AMOTL2: variants seen among roughly 807,000 people sequenced by gnomAD.
AMOTL2 encodes angiomotin like 2, also known as angiomotin-like protein 2.
Under a neutral mutation model 78.4 loss-of-function variants are expected in AMOTL2, and 33 were observed. That is an observed-to-expected ratio of 0.42 (90% CI 0.32 to 0.56). The LOEUF (loss-of-function observed/expected upper bound fraction) is 0.56, where lower values mean the gene tolerates loss of function less well. Ranked by LOEUF, AMOTL2 falls within the 20% of genes least tolerant of loss-of-function variation. The probability of loss-of-function intolerance (pLI) is 0.12; values close to 1 mark genes in which losing one functional copy is unlikely to be tolerated. For synonymous variants in AMOTL2, 422 were observed against 428.8 expected, an observed-to-expected ratio of 0.98 and a Z score of 0.20; for missense variants, 983 against 1,030.1, an observed-to-expected ratio of 0.95 and a Z score of 0.63.
intron 6 of AMOTL2, among the ~76,000 whole-genome samples, chr3:134,361,113 G>T (rs1166268746): frequency 6.6e-6 from 1 of 152,132 alleles, no homozygotes; most frequent in Non-Finnish European, 1.5e-5. Flanking sequence ...GGTGGAAGTT[G>T]CAGTGAGCGT....
At chr3:134,366,571 T>G (rs2017614013) in intron 3 of AMOTL2, 144 bp from the exon 4 acceptor site, 1 of 798,690 alleles carries the variant, frequency 1.3e-6, no homozygotes, top group African/African-American at 1.8e-5. Context: ...TATGGTGGGA[T>G]GGTCAGAAGC....
chr3:134,360,846 C>T (rs780921839), intron 6 of AMOTL2, among the ~76,000 whole-genome samples: 1 of 152,202 alleles, frequency 6.6e-6, no homozygotes, highest in African/African-American at 2.4e-5. Flanking sequence ...ATCTGGACAA[C>T]CATCTTTCCT....
intron 2 of AMOTL2, among the ~76,000 whole-genome samples, chr3:134,368,216 A>G (rs1473751735): frequency 6.6e-6 from 1 of 152,198 alleles, no homozygotes; most frequent in African/African-American, 2.4e-5. Context: ...TTGGGGCTGG[A>G]GGCCATGTCA....
rs1244845083 is a variant in AMOTL2, at chr3:134,371,269, C to T, written c.165G>A (p.Leu55=). The T allele has an allele frequency of 6.2e-7, 1 of 1,612,838 alleles. No individual in the cohort carries two copies. Among genetic ancestry groups the T allele is most frequent in the East Asian group, 2.2e-5 (1 of 44,872 alleles). ...GACTGTCCTCTGGGGCCAGGATCTC[C>T]AGGGAGGCCTGGGGGCTCCCTGTAC... The part of the protein sequence containing the change: ...TGGTGSPQAS[L]EILAPEDSQV... Residue 55 remains leucine, a synonymous_variant, in exon 2 of 10, where the codon CTG becomes CTA. Transcript: ENST00000249883.
chr3:134,371,015 C>A lies in AMOTL2; in HGVS notation c.419G>T (p.Ser140Ile), dbSNP rs2017831945. The A allele has an allele frequency of 1.2e-6, 2 of 1,604,548 alleles. No homozygotes were observed. Among genetic ancestry groups the A allele is most frequent in the Non-Finnish European group, 1.7e-6 (2 of 1,175,618 alleles). Residue 140 changes from serine (S) to isoleucine (I), a missense_variant, in exon 2 of 10, where the codon AGT becomes ATT. Ser to Ile is a moderately radical substitution (Grantham distance 142, BLOSUM62 -2). Coordinates refer to ENST00000249883, the MANE Select transcript of AMOTL2 (RefSeq NM_016201.4). ...CCGCAGGGCCTCGTCCTGCCTCCGA[C>A]TGCCTCCCGGGGCCCCACGGGGATC... ...DRDPRGAPGG[S>I]RRQDEALREL...
In AMOTL2 at chr3:134,355,564, T is replaced by G. The variant is rs2017047896; in HGVS notation, c.*2141A>C. On this transcript the variant is annotated 3_prime_UTR_variant, in exon 10 of 10. Coordinates refer to ENST00000249883, the MANE Select transcript of AMOTL2 (RefSeq NM_016201.4). ...GAGTGGGGGAAGGATAAAGCCATCT[T>G]TGGACACCCACTCCCACTGTGGATA... Among the ~76,000 whole-genome samples the G allele has an allele frequency of 6.6e-6, 1 of 152,196 alleles. No homozygotes were observed. Among genetic ancestry groups the G allele is most frequent in the Non-Finnish European group, 1.5e-5 (1 of 68,044 alleles).
chr3:134,364,164 CA>C, intron 5 of AMOTL2, among the ~76,000 whole-genome samples: 2 of 152,086 alleles, frequency 1.3e-5, no homozygotes, highest in African/African-American at 4.8e-5. Flanking sequence ...TCCCTCCTCC[CA>C]AAGCCGGGCG....
rs1306305244 is a variant in AMOTL2 at position 134,355,873 on chromosome 3, T to A, written c.*1832A>T. Reference sequence around the variant, plus strand: ...GCAAAGTCTCACCTGTGCAAAGACATCACTTTTAATTATTTTTTTTTAATT... The same window carrying A: ...GCAAAGTCTCACCTGTGCAAAGACAACACTTTTAATTATTTTTTTTTAATT... On this transcript the variant is annotated 3_prime_UTR_variant, in exon 10 of 10. Coordinates refer to ENST00000249883, the MANE Select transcript of AMOTL2 (RefSeq NM_016201.4). 6.6e-6 allele frequency: 1 copy of A among 152,628 alleles called. No individual in the cohort carries two copies. The highest frequency in any genetic ancestry group is 1.9e-4 in the East Asian group (1 of 5,198). The allele number at this position is 152,628 out of a possible 1,614,324, so 9.5% of individuals were successfully genotyped here.
intron 1 of AMOTL2, chr3:134,374,095 C>A (rs1018884804): frequency 2.2e-6 from 1 of 449,714 alleles, no homozygotes; most frequent in Non-Finnish European, 2.9e-6. Context: ...TCTCCCCTCT[C>A]CCCCAGCCCC....
At chr3:134,373,695 C>T in intron 1 of AMOTL2, 1 of 985,442 alleles carries the variant, frequency 1.0e-6, no homozygotes, top group Non-Finnish European at 1.2e-6. Flanking sequence ...CCTGGAGCAC[C>T]GGTGGCCGCT....
Position 134,361,751 on chromosome 3 carries a change from C to G in AMOTL2, c.1336G>C (p.Gly446Arg). Residue 446 changes from glycine to arginine, a missense_variant, in exon 6 of 10, where the codon GGC (glycine) becomes CGC (arginine). Transcript: ENST00000249883. ...KLEREMALLR[G>R]AIEDQRRRAE... The stretch of plus-strand genomic sequence containing the variant: ...CGCCGCCGCTGGTCCTCGATGGCGC[C>G]GCGCAGCAGTGCCATCTCTCGCTCC... 1.3e-6 allele frequency: 2 copies of G among 1,591,666 alleles called. No individual in the cohort carries two copies. The highest frequency in any genetic ancestry group is 1.1e-5 in the South Asian group (1 of 89,056).
chr3:134,370,292 A>G (rs1369825457), intron 2 of AMOTL2, among the ~76,000 whole-genome samples: 2 of 152,222 alleles, frequency 1.3e-5, no homozygotes, highest in Non-Finnish European at 1.5e-5. Context: ...CAAGCTGCTC[A>G]TATTTTCTTA....
rs1377969557 is a variant in AMOTL2 at position 134,355,370 on chromosome 3, G to T, written c.*2335C>A. Among the ~76,000 whole-genome samples the T allele has an allele frequency of 3.3e-5, 5 of 152,174 alleles. No individual in the cohort carries two copies. The highest frequency in any genetic ancestry group is 3.3e-4 in the Admixed American group (5 of 15,284). On this transcript the variant is annotated 3_prime_UTR_variant, in exon 10 of 10. Coordinates refer to ENST00000249883, the MANE Select transcript of AMOTL2 (RefSeq NM_016201.4). ...ACTGAGAATGGCTTTCTTTAATTTT[G>T]AATTGGAGCAATATGCTTTCCTGAG... is the stretch of plus-strand genomic sequence containing the variant.
Position 134,361,556 on chromosome 3 carries a change from G to T in AMOTL2, c.1531C>A (p.Arg511=). 7 of 1,613,142 alleles carry T rather than the reference G, an allele frequency of 4.3e-6. No homozygotes were observed. The highest frequency in any genetic ancestry group is 5.9e-6 in the Non-Finnish European group (7 of 1,179,870). ...EKREQLELRL[R]TRLEQELKAL... ...TTGAGTTCCTGCTCCAGGCGAGTCC[G>T]CAGACGCAGCTCCAGCTGCTCCCGC... Residue 511 remains arginine (R), a synonymous_variant, in exon 6 of 10, where the codon CGG becomes AGG. Coordinates refer to ENST00000249883, the MANE Select transcript of AMOTL2 (RefSeq NM_016201.4).
In AMOTL2 at chr3:134,361,565, G is replaced by T; in HGVS notation, c.1522C>A (p.Leu508Met). 6.2e-7 allele frequency: 1 copy of T among 1,613,290 alleles called. No individual in the cohort carries two copies. The highest frequency in any genetic ancestry group is 8.5e-7 in the Non-Finnish European group (1 of 1,179,938). ...TGCTCCAGGCGAGTCCGCAGACGCAGCTCCAGCTGCTCCCGCTTCTCACAG... is the reference window on the plus strand; with the variant it reads ...TGCTCCAGGCGAGTCCGCAGACGCATCTCCAGCTGCTCCCGCTTCTCACAG... ...AACEKREQLELRLRTRLEQEL... is the reference protein window; with the variant it reads ...AACEKREQLEMRLRTRLEQEL... The change falls in exon 6 of 10, where the codon CTG (leucine) becomes ATG (methionine). Residue 508 changes from leucine to methionine, a missense_variant. Transcript: ENST00000249883.
Position 134,365,253 on chromosome 3 carries a change from A to G in AMOTL2, c.1279+564T>C, listed in dbSNP as rs551902700. 2.0e-5 allele frequency among the ~76,000 whole-genome samples: 3 copies of G among 152,372 alleles called. No individual in the cohort carries two copies. The East Asian group carries it at 5.8e-4, about 29-fold the overall frequency. ...CTGCTAATGAATGAATAAATGGACT[A>G]GTCAATGAACTTGCCCATTCTTCAA... is the stretch of plus-strand genomic sequence containing the variant. On this transcript the variant is annotated intron_variant, in intron 5 of 9. Coordinates refer to ENST00000249883, the MANE Select transcript of AMOTL2 (RefSeq NM_016201.4).
At chr3:134,373,758 A>G (rs2107751434) in intron 1 of AMOTL2, 1 of 985,448 alleles carries the variant, frequency 1.0e-6, no homozygotes, top group South Asian at 4.7e-5. Flanking sequence ...AGAGGTCTTT[A>G]AGCATCGCGG....
At chr3:134,373,930 G>A (rs2107751629) in intron 1 of AMOTL2, 1 of 754,796 alleles carries the variant, frequency 1.3e-6, no homozygotes. Flanking sequence ...GACTAGTTGG[G>A]GGCAAAGGCA....
chr3:134,374,420 G>T lies in AMOTL2; in HGVS notation c.-140C>A. The T allele has an allele frequency of 2.0e-6, 2 of 985,364 alleles. No individual in the cohort carries two copies. Among genetic ancestry groups the T allele is most frequent in the Non-Finnish European group, 2.4e-6 (2 of 829,940 alleles). 61.0% of individuals were successfully genotyped at this position (985,364 alleles called of 1,614,324 possible). A position where few individuals can be genotyped will look rare whatever the true frequency, so the allele number is the denominator to read the frequency against. Reference sequence around the variant, plus strand: ...CCCAGCTCAGCTCGGCGGCGAAGATGTGTTCTCGGCCGTGGCGCCGACGCT... The same window carrying T: ...CCCAGCTCAGCTCGGCGGCGAAGATTTGTTCTCGGCCGTGGCGCCGACGCT... On this transcript the variant is annotated 5_prime_UTR_variant, in exon 1 of 10. Transcript: ENST00000249883.
Sources: allele counts gnomAD v4.1 joint callset (sites outside exome capture counted in the v4.1 genomes callset), GRCh38; gene constraint gnomAD v4.1.1; transcripts MANE v1.5; gene names NCBI Gene and HGNC (gene_info 2026-07-23, HGNC 2026-07-21).